Variants in TOM1L2 observed in about 807,000 individuals in gnomAD.
TOM1L2 encodes the protein TOM1-like protein 2.
A neutral mutation model predicts 67.9 loss-of-function variants in TOM1L2; 31 were observed. The ratio of observed to expected loss-of-function variants is 0.46; its 90% CI spans 0.34 to 0.62. The LOEUF (loss-of-function observed/expected upper bound fraction) is 0.62, where lower values mean the gene tolerates loss of function less well. Ranked by LOEUF, TOM1L2 falls within the 20% of genes least tolerant of loss-of-function variation. TOM1L2 has a pLI of 0.01. For synonymous variants in TOM1L2, 256 were observed against 254.0 expected, an observed-to-expected ratio of 1.01 and a Z score of -0.07; for missense variants, 606 against 663.5, an observed-to-expected ratio of 0.91 and a Z score of 0.95.
chr17:17,866,335 C>A lies in TOM1L2; in HGVS notation c.1045G>T (p.Ala349Ser). The A allele has an allele frequency of 6.2e-7, 1 of 1,612,500 alleles. No individual in the cohort carries two copies. Among genetic ancestry groups the A allele is most frequent in the Non-Finnish European group, 8.5e-7 (1 of 1,179,356 alleles). ...AVVSPMVGNT[A>S]PPSSLSSQLA... ...TGGGAGGAGAGGGAAGATGGGGGCG[C>A]TGTGTTCCCCACCATTGGGCTCACC... is the stretch of plus-strand genomic sequence containing the variant. The change falls in exon 10 of 15, where the codon GCG becomes TCG. Residue 349 changes from alanine (A) to serine (S), a missense_variant. Physicochemically the swap from Ala to Ser is moderately conservative, Grantham distance 99. Coordinates refer to ENST00000379504, the MANE Select transcript of TOM1L2 (RefSeq NM_001082968.2).
intron 4 of TOM1L2, among the ~76,000 whole-genome samples, chr17:17,891,516 C>T (rs2144185383): frequency 6.6e-6 from 1 of 152,222 alleles, no homozygotes; most frequent in Middle Eastern, 3.4e-3. Context: ...CAGCCATGGT[C>T]CCCACACAGT....
intron 6 of TOM1L2, 132 bp downstream of exon 6, chr17:17,882,573 T>C: frequency 4.8e-6 from 6 of 1,244,912 alleles, no homozygotes; most frequent in Non-Finnish European, 6.7e-6. Context: ...CCCCTGGGGA[T>C]TGAGCCCTTC....
chr17:17,890,477 G>C (rs1425737735), intron 4 of TOM1L2, among the ~76,000 whole-genome samples: 3 of 152,182 alleles, frequency 2.0e-5, no homozygotes, highest in Non-Finnish European at 4.4e-5. Context: ...GCTCATAGCA[G>C]CATTTTTCAC....
rs759787784 is a variant in TOM1L2 at position 17,893,682 on chromosome 17, G to T, written c.345C>A (p.Asp115Glu). The change falls in exon 4 of 15, where the codon GAC (aspartate) becomes GAA (glutamate). Residue 115 changes from aspartate to glutamate, a missense_variant. Physicochemically the swap from Asp to Glu is conservative, Grantham distance 45. This residue lies in a region of TOM1L2 where 543 missense variants were observed against 554.0 expected (regional missense o/e 0.98). Coordinates refer to ENST00000379504, the MANE Select transcript of TOM1L2 (RefSeq NM_001082968.2). The part of the protein sequence containing the change: ...PKNNPPTIVQ[D>E]KVLALIQAWA... The stretch of plus-strand genomic sequence containing the variant: ...CTACCTGGATCAGAGCAAGCACTTT[G>T]TCCTGTACAATGGTGGGAGGGTTGT... The T allele has an allele frequency of 1.2e-6, 2 of 1,613,984 alleles. No individual in the cohort carries two copies. Among genetic ancestry groups the T allele is most frequent in the Admixed American group, 1.7e-5 (1 of 59,986 alleles).
intron 1 of TOM1L2, among the ~76,000 whole-genome samples, chr17:17,918,017 T>C (rs1179614716): frequency 6.6e-6 from 1 of 152,190 alleles, no homozygotes; most frequent in East Asian, 1.9e-4. Flanking sequence ...GTCTTCTTTC[T>C]TCTTTAATTT....
intron 6 of TOM1L2, 103 bp from the exon 7 acceptor site, chr17:17,879,846 A>C: frequency 1.3e-5 from 13 of 1,010,788 alleles, no homozygotes; most frequent in Non-Finnish European, 1.9e-5. Flanking sequence ...AATCCTTCTC[A>C]CTGGGAGATC....
chr17:17,891,450 G>C (rs1015456967), intron 4 of TOM1L2, among the ~76,000 whole-genome samples: 1 of 152,182 alleles, frequency 6.6e-6, no homozygotes, highest in Non-Finnish European at 1.5e-5. Context: ...GCGGGGACAG[G>C]CATCCTCAGG....
intron 4 of TOM1L2, among the ~76,000 whole-genome samples, chr17:17,887,402 G>C (rs534803874): frequency 1.3e-5 from 2 of 152,320 alleles, no homozygotes; most frequent in South Asian, 4.1e-4. Flanking sequence ...ATCTCTGGGT[G>C]TCTCCCATTC....
intron 1 of TOM1L2, among the ~76,000 whole-genome samples, chr17:17,957,494 C>T (rs1310169681): frequency 3.3e-5 from 5 of 151,932 alleles, no homozygotes; most frequent in African/African-American, 1.2e-4. Flanking sequence ...GTTGACAGTG[C>T]GTATCTTGAT....
intron 1 of TOM1L2, among the ~76,000 whole-genome samples, chr17:17,956,829 C>G (rs1324599888): frequency 6.6e-6 from 1 of 152,234 alleles, no homozygotes; most frequent in Non-Finnish European, 1.5e-5. Context: ...CCACGCGCAG[C>G]CCGGTTCCCG....
At chr17:17,930,563 G>C (rs567952808) in intron 1 of TOM1L2, among the ~76,000 whole-genome samples, 1 of 152,206 alleles carries the variant, frequency 6.6e-6, no homozygotes, top group East Asian at 1.9e-4. Flanking sequence ...TCATCAATAT[G>C]CCATGAAAAT....
At position 17,869,468 on chromosome 17, in the gene TOM1L2, G is replaced by C; in HGVS notation, c.783C>G (p.Leu261=). 1 of 1,606,954 alleles carries C rather than the reference G, an allele frequency of 6.2e-7. No individual in the cohort carries two copies. Among genetic ancestry groups the C allele is most frequent in the Non-Finnish European group, 8.5e-7 (1 of 1,176,374 alleles). The change falls in exon 8 of 15, where the codon CTC becomes CTG. Residue 261 remains leucine, a synonymous_variant. Transcript: ENST00000379504. ...DSSDLELLQE[L]NRTCRAMQQR... ...GCTGCATGGCCCGACAGGTCCTGTTGAGCTCCTAGGGAACACATGCACCTC... is the reference window on the plus strand; with the variant it reads ...GCTGCATGGCCCGACAGGTCCTGTTCAGCTCCTAGGGAACACATGCACCTC...
At chr17:17,912,687 T>A (rs1449551421) in intron 1 of TOM1L2, among the ~76,000 whole-genome samples, 1 of 149,718 alleles carries the variant, frequency 6.7e-6, no homozygotes, top group East Asian at 2.0e-4. Flanking sequence ...ACGGAGACGC[T>A]CCTCACTTCC....
At chr17:17,887,621 A>G (rs1174091154) in intron 4 of TOM1L2, among the ~76,000 whole-genome samples, 1 of 152,144 alleles carries the variant, frequency 6.6e-6, no homozygotes, top group Non-Finnish European at 1.5e-5. Flanking sequence ...GACTATAAGC[A>G]TGTGCCACCA....
At chr17:17,855,832 T>C (rs1356654846) in intron 12 of TOM1L2, among the ~76,000 whole-genome samples, 1 of 152,162 alleles carries the variant, frequency 6.6e-6, no homozygotes, top group Non-Finnish European at 1.5e-5. Flanking sequence ...GGACCAAGTC[T>C]AAAAGCCTTT....
Position 17,945,083 on chromosome 17 carries a change from C to G in TOM1L2, c.52+27179G>C, listed in dbSNP as rs146474832. On this transcript the variant is annotated intron_variant, in intron 1 of 14. Coordinates refer to ENST00000379504, the MANE Select transcript of TOM1L2 (RefSeq NM_001082968.2). ...GGCCGTGGACACCAAAATAGCTCAT[C>G]TGACCTTTGCAAATACCAAAGGGTG... Among the ~76,000 whole-genome samples, 14 of 152,344 alleles carry G rather than the reference C, an allele frequency of 9.2e-5. No individual in the cohort carries two copies. In the East Asian group the frequency reaches 2.7e-3, roughly 29 times the overall value.
At chr17:17,892,319 G>C (rs569649889) in intron 4 of TOM1L2, among the ~76,000 whole-genome samples, 1 of 152,284 alleles carries the variant, frequency 6.6e-6, no homozygotes, top group Non-Finnish European at 1.5e-5. Context: ...CTGCCTGGTT[G>C]CCTCCCTTTG....
At chr17:17,956,547 G>C (rs1301724246) in intron 1 of TOM1L2, among the ~76,000 whole-genome samples, 1 of 152,220 alleles carries the variant, frequency 6.6e-6, no homozygotes, top group Non-Finnish European at 1.5e-5. Flanking sequence ...TGGAGCAGGG[G>C]TTTGCGCTCC....
chr17:17,918,210 C>T (rs1453410101), intron 1 of TOM1L2, among the ~76,000 whole-genome samples: 1 of 151,438 alleles, frequency 6.6e-6, no homozygotes, highest in Non-Finnish European at 1.5e-5. Context: ...TTGTATCCTG[C>T]AGCTTTGGTA....
Sources: allele counts gnomAD v4.1 joint callset (sites outside exome capture counted in the v4.1 genomes callset), GRCh38; gene constraint gnomAD v4.1.1; regional missense constraint gnomAD v4.1.1; transcripts MANE v1.5; gene names NCBI Gene and HGNC (gene_info 2026-07-23, HGNC 2026-07-21).